KDM4C: variants seen among roughly 807,000 people sequenced by gnomAD.
The protein encoded by KDM4C is lysine-specific demethylase 4C.
In KDM4C, 81 loss-of-function variants were observed where a neutral mutation model predicts 129.3. The ratio of observed to expected loss-of-function variants is 0.63; its 90% CI spans 0.52 to 0.75. The LOEUF is 0.75. Among genes scored for constraint, KDM4C ranks in the 30% least tolerant of loss-of-function variants. KDM4C has a pLI of 0.00. For synonymous variants in KDM4C, 573 were observed against 456.1 expected (o/e 1.26, Z -3.26); for missense variants, 1,457 against 1,304.0 (o/e 1.12, Z -1.81).
chr9:6,782,992 T>C (rs934854677), intron 1 of KDM4C, among the ~76,000 whole-genome samples: 36 of 152,044 alleles, frequency 2.4e-4, no homozygotes, highest in African/African-American at 8.7e-4. Flanking sequence ...CACTTAGAAG[T>C]GGAGAGTAAG....
intron 17 of KDM4C, among the ~76,000 whole-genome samples, chr9:7,097,737 G>T (rs1379582141): frequency 1.3e-5 from 2 of 152,142 alleles, no homozygotes; most frequent in Non-Finnish European, 2.9e-5. Context: ...TGTGATTATG[G>T]CTGTAAAGCT....
intron 5 of KDM4C, among the ~76,000 whole-genome samples, chr9:6,859,521 C>T (rs1324653141): frequency 3.6e-5 from 5 of 136,996 alleles, no homozygotes; most frequent in African/African-American, 5.4e-5. Flanking sequence ...GTAACACAGA[C>T]GACAGATGTC....
intron 17 of KDM4C, among the ~76,000 whole-genome samples, chr9:7,065,144 T>G (rs895503321): frequency 6.6e-6 from 1 of 152,178 alleles, no homozygotes; most frequent in Non-Finnish European, 1.5e-5. Context: ...ACACAGAATT[T>G]TGTCAAACCC....
Position 6,893,174 on chromosome 9 carries a change from C to T in KDM4C, c.863C>T (p.Ala288Val), listed in dbSNP as rs1426632168. The change falls in exon 8 of 22, where the codon GCA becomes GTA. Residue 288 changes from alanine to valine, a missense_variant. Coordinates refer to ENST00000381309, the MANE Select transcript of KDM4C (RefSeq NM_015061.6). ...HAGFNHGFNC[A>V]ESTNFATVRW... ...GGTTTTAATCATGGTTTCAACTGTG[C>T]AGAATCTACAAATTTTGCTACTGTC... 1.2e-6 allele frequency: 2 copies of T among 1,611,074 alleles called. No individual in the cohort carries two copies. The highest frequency in any genetic ancestry group is 8.5e-7 in the Non-Finnish European group (1 of 1,178,530).
chr9:6,856,683 C>A (rs889064514), intron 5 of KDM4C, among the ~76,000 whole-genome samples: 3 of 151,670 alleles, frequency 2.0e-5, no homozygotes, highest in African/African-American at 7.3e-5. Flanking sequence ...AGTGATCCTC[C>A]CACTTCAGCC....
chr9:6,728,741 G>C (rs1754799955), intron 1 of KDM4C, among the ~76,000 whole-genome samples: 1 of 152,052 alleles, frequency 6.6e-6, no homozygotes, highest in South Asian at 2.1e-4. Context: ...AGCTACTCAG[G>C]AGGCTGAGGC....
chr9:6,762,699 C>T (rs940027314), intron 1 of KDM4C, among the ~76,000 whole-genome samples: 19 of 149,264 alleles, frequency 1.3e-4, no homozygotes, highest in African/African-American at 4.7e-4. Flanking sequence ...GCCCTTGTTG[C>T]CCAGGCTGGA....
rs1820551429 is a variant in KDM4C at position 7,000,581 on chromosome 9, A to T, written c.1786+10057A>T. Among the ~76,000 whole-genome samples, 4 of 152,326 alleles carry T rather than the reference A, an allele frequency of 2.6e-5. No individual in the cohort carries two copies. In the South Asian group the frequency reaches 8.3e-4, roughly 32 times the overall value. ...CTACCCAGGAACAGATTTTGATAGCACAGTTTCATGGTGCATTCAATTCTT... is the reference window on the plus strand; with the variant it reads ...CTACCCAGGAACAGATTTTGATAGCTCAGTTTCATGGTGCATTCAATTCTT... On this transcript the variant is annotated intron_variant, in intron 12 of 21. Coordinates refer to ENST00000381309, the MANE Select transcript of KDM4C (RefSeq NM_015061.6).
At position 6,986,632 on chromosome 9, in the gene KDM4C, C is replaced by A. The variant is rs780250075; in HGVS notation, c.1643C>A (p.Pro548His). 6.2e-7 allele frequency: 1 copy of A among 1,611,146 alleles called. No individual in the cohort carries two copies. Among genetic ancestry groups the A allele is most frequent in the South Asian group, 1.1e-5 (1 of 90,976 alleles). ...GAACCTGGGGAAATCCCAGCGGTCC[C>A]CAGTGGAGAGAGAAATAGCTTCAAA... ...GLEPGEIPAV[P>H]SGERNSFKVP... The change falls in exon 11 of 22, where the codon CCC (proline) becomes CAC (histidine). Residue 548 changes from proline to histidine, a missense_variant. Coordinates refer to ENST00000381309, the MANE Select transcript of KDM4C (RefSeq NM_015061.6).
chr9:6,889,612 G>A (rs1845831561), intron 7 of KDM4C, among the ~76,000 whole-genome samples: 1 of 152,182 alleles, frequency 6.6e-6, no homozygotes, highest in African/African-American at 2.4e-5. Flanking sequence ...GTGAGTCTCA[G>A]ACACATCATC....
upstream of KDM4C, among the ~76,000 whole-genome samples, chr9:6,755,547 C>T (rs1172978520): frequency 6.6e-6 from 1 of 152,058 alleles, no homozygotes; most frequent in Non-Finnish European, 1.5e-5. Flanking sequence ...GACTCTGTCT[C>T]AAAAAACAAA....
chr9:7,083,522 C>T (rs1197154838), intron 17 of KDM4C, among the ~76,000 whole-genome samples: 1 of 152,168 alleles, frequency 6.6e-6, no homozygotes, highest in East Asian at 1.9e-4. Context: ...CCTATTGCTC[C>T]TAGCCTTCAT....
chr9:6,861,036 A>G (rs565814984), intron 5 of KDM4C, among the ~76,000 whole-genome samples: 4 of 152,368 alleles, frequency 2.6e-5, no homozygotes, highest in African/African-American at 9.6e-5. Context: ...CAAGTGATTG[A>G]TAACTTTTAC....
At chr9:6,811,279 G>A (rs879313295) in intron 3 of KDM4C, among the ~76,000 whole-genome samples, 16 of 152,032 alleles carry the variant, frequency 1.1e-4, no homozygotes, top group Non-Finnish European at 1.5e-5. Context: ...TCAGCCTCCC[G>A]AGCAGCTGGG....
At chr9:6,721,155 C>T (rs1176777297) in intron 1 of KDM4C, 1 of 567,208 alleles carries the variant, frequency 1.8e-6, no homozygotes, top group African/African-American at 1.9e-5. Context: ...CTCACTGCAG[C>T]CTCAACATCC....
chr9:6,807,040 A>C (rs1830118646), intron 3 of KDM4C, among the ~76,000 whole-genome samples: 3 of 151,962 alleles, frequency 2.0e-5, no homozygotes. Flanking sequence ...CTGCGATTGC[A>C]GGCACGCGCC....
chr9:6,897,734 A>G (rs766194864), intron 8 of KDM4C, among the ~76,000 whole-genome samples: 17 of 152,188 alleles, frequency 1.1e-4, no homozygotes, highest in Non-Finnish European at 2.2e-4. Context: ...GCTTTTAATA[A>G]AACTCCACTT....
intron 8 of KDM4C, among the ~76,000 whole-genome samples, chr9:6,960,263 C>T (rs1829799530): frequency 6.7e-6 from 1 of 148,450 alleles, no homozygotes; most frequent in Admixed American, 6.9e-5. Context: ...TAAATGGAAG[C>T]TCTTTTAAAA....
chr9:7,044,064 G>T (rs771445175), intron 15 of KDM4C, among the ~76,000 whole-genome samples: 1 of 152,010 alleles, frequency 6.6e-6, no homozygotes, highest in Non-Finnish European at 1.5e-5. Flanking sequence ...TTACAGTTTA[G>T]TGAGGGCAGC....
Sources: allele counts gnomAD v4.1 joint callset (sites outside exome capture counted in the v4.1 genomes callset), GRCh38; gene constraint gnomAD v4.1.1; transcripts MANE v1.5; gene names NCBI Gene and HGNC (gene_info 2026-07-23, HGNC 2026-07-21).